The following RCAN2 variants were observed in gnomAD, a reference collection of about 807,000 sequenced individuals.
The protein encoded by RCAN2 is calcipressin-2.
Under a neutral mutation model 23.6 loss-of-function variants are expected in RCAN2, and 9 were observed. The ratio of observed to expected loss-of-function variants is 0.38; its 90% CI spans 0.23 to 0.67. RCAN2 has a LOEUF of 0.67. RCAN2 is among the 30% of genes least tolerant of loss of function. The pLI is 0.51. For missense variants in RCAN2, 273 were observed against 302.3 expected, an observed-to-expected ratio of 0.90 and a Z score of 0.72; for synonymous variants, 109 against 115.7, an observed-to-expected ratio of 0.94 and a Z score of 0.37.
intron 2 of RCAN2, among the ~76,000 whole-genome samples, chr6:46,367,634 T>C (rs1561877224): frequency 6.6e-6 from 1 of 152,226 alleles, no homozygotes; most frequent in Non-Finnish European, 1.5e-5. Flanking sequence ...TCAAGGGTAA[T>C]GGATGATGTA....
At chr6:46,429,765 A>T (rs759866819) in intron 2 of RCAN2, among the ~76,000 whole-genome samples, 1 of 152,174 alleles carries the variant, frequency 6.6e-6, no homozygotes, top group Non-Finnish European at 1.5e-5. Flanking sequence ...TGGATCATTC[A>T]TGCTGAGATA....
At chr6:46,291,581 T>C (rs1762564463) in intron 2 of RCAN2, among the ~76,000 whole-genome samples, 1 of 151,972 alleles carries the variant, frequency 6.6e-6, no homozygotes, top group South Asian at 2.1e-4. Context: ...GATCATTTAG[T>C]GTCTTTTTCT....
intron 4 of RCAN2, among the ~76,000 whole-genome samples, chr6:46,228,704 ACTGATGGGT>A (rs1765768575): frequency 6.6e-6 from 1 of 152,150 alleles, no homozygotes; most frequent in South Asian, 2.1e-4. Context: ...AATACAGCAC[ACTGATGGGT>A]CTTGACTCTT....
At chr6:46,297,104 G>A (rs1762748783) in intron 2 of RCAN2, among the ~76,000 whole-genome samples, 2 of 152,090 alleles carry the variant, frequency 1.3e-5, no homozygotes, top group African/African-American at 4.8e-5. Context: ...TACTTATAGT[G>A]TCCCTTTATC....
chr6:46,274,545 C>T (rs1767626325), intron 2 of RCAN2, among the ~76,000 whole-genome samples: 1 of 152,140 alleles, frequency 6.6e-6, no homozygotes, highest in Admixed American at 6.5e-5. Context: ...ATCCCCCCGC[C>T]CCATCTTGGT....
At chr6:46,235,935 A>G (rs1487514481) in intron 4 of RCAN2, among the ~76,000 whole-genome samples, 1 of 152,234 alleles carries the variant, frequency 6.6e-6, no homozygotes, top group African/African-American at 2.4e-5. Flanking sequence ...AGAAAGTTAT[A>G]TAACATTTCT....
intron 2 of RCAN2, among the ~76,000 whole-genome samples, chr6:46,320,648 G>A (rs1265811272): frequency 6.6e-6 from 1 of 152,208 alleles, no homozygotes; most frequent in Non-Finnish European, 1.5e-5. Flanking sequence ...CATGGATTGG[G>A]AGGATGTTGA....
intron 2 of RCAN2, among the ~76,000 whole-genome samples, chr6:46,390,597 T>C (rs566182848): frequency 6.6e-6 from 1 of 152,224 alleles, no homozygotes; most frequent in African/African-American, 2.4e-5. Context: ...AGTAAATAAA[T>C]GAACATCTGT....
chr6:46,329,954 C>A (rs955536810), intron 2 of RCAN2, among the ~76,000 whole-genome samples: 3 of 152,244 alleles, frequency 2.0e-5, no homozygotes, highest in Admixed American at 6.5e-5. Context: ...GCTGTGGTAG[C>A]AGCAGCCAAG....
chr6:46,228,622 T>C (rs1054092683), intron 4 of RCAN2, among the ~76,000 whole-genome samples: 3 of 152,214 alleles, frequency 2.0e-5, no homozygotes, highest in African/African-American at 7.2e-5. Flanking sequence ...GTTTTCTATT[T>C]GCTTGGTAGA....
intron 2 of RCAN2, among the ~76,000 whole-genome samples, chr6:46,372,907 G>A (rs1765358696): frequency 6.6e-6 from 1 of 152,232 alleles, no homozygotes; most frequent in African/African-American, 2.4e-5. Flanking sequence ...GATCTGGAAG[G>A]AGAATTAGAG....
chr6:46,356,033 CTGTT>C (rs1764820215), intron 2 of RCAN2, among the ~76,000 whole-genome samples: 1 of 152,168 alleles, frequency 6.6e-6, no homozygotes, highest in Non-Finnish European at 1.5e-5. Context: ...TTTAGAGCAT[CTGTT>C]TGTAAAGACA....
chr6:46,258,494 C>T (rs1394514646), intron 2 of RCAN2, among the ~76,000 whole-genome samples: 3 of 152,192 alleles, frequency 2.0e-5, no homozygotes, highest in Non-Finnish European at 4.4e-5. Context: ...CATATAACTG[C>T]TTCAAGAAAA....
chr6:46,490,164 C>G (rs1769099628), intron 1 of RCAN2, among the ~76,000 whole-genome samples: 1 of 152,198 alleles, frequency 6.6e-6, no homozygotes, highest in African/African-American at 2.4e-5. Flanking sequence ...TTCCTAAAGC[C>G]TCCCCTCTGC....
chr6:46,424,679 A>G (rs2150413867), intron 2 of RCAN2, among the ~76,000 whole-genome samples: 1 of 152,234 alleles, frequency 6.6e-6, no homozygotes, highest in South Asian at 2.1e-4. Flanking sequence ...GCAATGTGTG[A>G]GTCCTTAGGC....
In RCAN2 at chr6:46,411,212, C is replaced by T. The variant is rs531538733; in HGVS notation, c.225+45540G>A. Among the ~76,000 whole-genome samples the T allele has an allele frequency of 2.6e-5, 4 of 152,270 alleles. 1 individual carries two copies. Among genetic ancestry groups the T allele is most frequent in the East Asian group, 1.9e-4 (1 of 5,174 alleles). On this transcript the variant is annotated intron_variant, in intron 2 of 4. Transcript: ENST00000371374. ...TTAAGAGGAAGGAAAATCTGACACA[C>T]GTTACAACATGGATGAACCCTGAAG...
At chr6:46,469,920 TA>T (rs1434917978) in intron 1 of RCAN2, among the ~76,000 whole-genome samples, 8 of 152,234 alleles carry the variant, frequency 5.3e-5, no homozygotes, top group African/African-American at 1.9e-4. Flanking sequence ...TTGTGGAGGA[TA>T]CAGCAATAAG....
In RCAN2 at chr6:46,276,381, G is replaced by C. The variant is rs1389076028; in HGVS notation, c.226-27485C>G. 2.6e-5 allele frequency among the ~76,000 whole-genome samples: 4 copies of C among 152,154 alleles called. No individual in the cohort carries two copies. The East Asian group carries it at 7.7e-4, about 29-fold the overall frequency. On this transcript the variant is annotated intron_variant, in intron 2 of 4. Transcript: ENST00000371374. ...TGCCACGACACAAGCTCTGAGGAGA[G>C]ACAAGCCCCCACCACAAGAAACAGC...
intron 2 of RCAN2, among the ~76,000 whole-genome samples, chr6:46,416,610 G>C (rs533882399): frequency 4.2e-4 from 64 of 151,560 alleles, no homozygotes; most frequent in African/African-American, 1.3e-3. Context: ...AACCTCCCAG[G>C]CTCAAGCAAT....
Sources: allele counts gnomAD v4.1 joint callset (sites outside exome capture counted in the v4.1 genomes callset), GRCh38; gene constraint gnomAD v4.1.1; transcripts MANE v1.5; gene names NCBI Gene and HGNC (gene_info 2026-07-23, HGNC 2026-07-21).